The following N4BP2L2 variants were observed in gnomAD, a reference collection of about 807,000 sequenced individuals.
N4BP2L2 encodes the protein NEDD4 binding protein 2 like 2, also known as NEDD4-binding protein 2-like 2.
N4BP2L2 carries 50 observed loss-of-function variants against 56.2 expected under a neutral mutation model. The observed-to-expected ratio is 0.89, with a 90% CI of 0.71 to 1.13. The LOEUF (loss-of-function observed/expected upper bound fraction) is 1.13. N4BP2L2 is among the 50% of genes most tolerant of loss of function. The pLI, the probability that N4BP2L2 is intolerant of heterozygous loss-of-function variation, is 0.00. For synonymous variants in N4BP2L2, 203 were observed against 223.6 expected (o/e 0.91, Z 0.82); for missense variants, 689 against 693.8 (o/e 0.99, Z 0.08).
intron 8 of N4BP2L2, among the ~76,000 whole-genome samples, chr13:32,436,785 CAAAAAAAAAAAAA>C (rs1174354861): frequency 4.4e-5 from 2 of 44,970 alleles, no homozygotes; most frequent in East Asian, 8.9e-4. Context: ...GTGTGACTGT[CAAAAAAAAAAAAA>C]AAAAAAAAAA....
chr13:32,484,126 C>T (rs1489027767), intron 6 of N4BP2L2, among the ~76,000 whole-genome samples: 1 of 151,658 alleles, frequency 6.6e-6, no homozygotes, highest in African/African-American at 2.4e-5. Context: ...AGTTTGAGAC[C>T]AGCCTGGGCA....
chr13:32,537,666 G>A (rs543699706), intron 1 of N4BP2L2, among the ~76,000 whole-genome samples: 9 of 152,112 alleles, frequency 5.9e-5, no homozygotes, highest in Non-Finnish European at 7.4e-5. Flanking sequence ...GGGGGGAAGA[G>A]ATAACTTAAG....
At chr13:32,477,842 G>T (rs1358099837) in intron 6 of N4BP2L2, 1 of 1,282,022 alleles carries the variant, frequency 7.8e-7, no homozygotes, top group East Asian at 5.6e-5. Context: ...ATAGTTGTTT[G>T]CACTGGATTT....
chr13:32,447,798 T>C (rs1184445818), intron 6 of N4BP2L2, among the ~76,000 whole-genome samples: 2 of 151,692 alleles, frequency 1.3e-5, no homozygotes, highest in Admixed American at 6.5e-5. Context: ...AATGTCTTTT[T>C]TTCGTTGTTT....
intron 2 of N4BP2L2, among the ~76,000 whole-genome samples, chr13:32,532,590 CTTT>C (rs759146834): frequency 7.8e-6 from 1 of 128,386 alleles, no homozygotes; most frequent in Non-Finnish European, 1.7e-5. Context: ...TTTCTTTTTT[CTTT>C]TTTTTTTTTT....
chr13:32,518,096 T>A (rs569207705), intron 5 of N4BP2L2, 93 bp from the exon 6 acceptor site: 12 of 1,127,302 alleles, frequency 1.1e-5, no homozygotes, highest in Non-Finnish European at 1.3e-5. Context: ...AAATTCTAAA[T>A]AATATTTTGT....
chr13:32,440,039 A>C (rs1040313897), intron 7 of N4BP2L2, among the ~76,000 whole-genome samples: 8 of 151,788 alleles, frequency 5.3e-5, no homozygotes, highest in African/African-American at 1.9e-4. Context: ...AAAAAAAAAA[A>C]AGAAAAGGAA....
chr13:32,538,480 C>G (rs1056120975), intron 1 of N4BP2L2, 138 bp downstream of exon 1: 1 of 383,968 alleles, frequency 2.6e-6, no homozygotes, highest in Non-Finnish European at 3.6e-6. Flanking sequence ...TCCAGGAATT[C>G]TGGAGGTCTC....
chr13:32,476,788 T>A (rs7994868), intron 6 of N4BP2L2, among the ~76,000 whole-genome samples: 8,736 of 152,214 alleles, frequency 0.057, 850 homozygotes, highest in African/African-American at 0.2. Context: ...ATAAAGATAC[T>A]TCTAAACTGA....
intron 6 of N4BP2L2, among the ~76,000 whole-genome samples, chr13:32,471,785 C>T (rs1243517134): frequency 6.6e-6 from 1 of 152,230 alleles, no homozygotes; most frequent in African/African-American, 2.4e-5. Flanking sequence ...GAAAGAGCTG[C>T]TGAATAAAGC....
At chr13:32,537,864 T>A (rs1313376683) in intron 1 of N4BP2L2, among the ~76,000 whole-genome samples, 1 of 151,850 alleles carries the variant, frequency 6.6e-6, no homozygotes, top group Admixed American at 6.6e-5. Context: ...TGCTTAGGAG[T>A]TCGAGACCAG....
chr13:32,480,373 A>G (rs1303288997), intron 6 of N4BP2L2, among the ~76,000 whole-genome samples: 2 of 152,242 alleles, frequency 1.3e-5, no homozygotes, highest in Admixed American at 1.3e-4. Context: ...GTAAAGAGTG[A>G]AATCCAGGCA....
intron 5 of N4BP2L2, among the ~76,000 whole-genome samples, chr13:32,520,461 A>G (rs1466676267): frequency 6.6e-6 from 1 of 151,990 alleles, no homozygotes; most frequent in African/African-American, 2.4e-5. Context: ...AATCAAGACC[A>G]TCCTGGCTAA....
intron 3 of N4BP2L2, chr13:32,527,002 C>T (rs146502967): frequency 0.012 from 1,758 of 152,760 alleles, 28 homozygotes; most frequent in South Asian, 0.012. Context: ...ATATTCACAA[C>T]CAGTATATTA....
At chr13:32,535,940 T>C (rs1336714062) in exon 2 of N4BP2L2, 9 of 1,613,964 alleles carry the variant, frequency 5.6e-6, no homozygotes, top group African/African-American at 1.3e-5. Context: ...ACAGAAACCA[T>C]TACTCACATA....
chr13:32,440,529 C>T (rs534294590), intron 7 of N4BP2L2, among the ~76,000 whole-genome samples: 14 of 151,260 alleles, frequency 9.3e-5, no homozygotes, highest in African/African-American at 2.9e-4. Flanking sequence ...TGCAGTGGCG[C>T]GATCTCAGTT....
rs116189323 is a variant in N4BP2L2 at position 32,518,659 on chromosome 13, A to G, written c.1551-656T>C. On this transcript the variant is annotated intron_variant, in intron 5 of 5. Coordinates refer to ENST00000267068, the Ensembl canonical transcript of N4BP2L2. ...CAAAGATATTATGGCAAAACTTTAAAAAAAGAGATTATGATTACCCAGGCA... is the reference window on the plus strand; with the variant it reads ...CAAAGATATTATGGCAAAACTTTAAGAAAAGAGATTATGATTACCCAGGCA... Among the ~76,000 whole-genome samples, 449 of 152,268 alleles carry G rather than the reference A, an allele frequency of 2.9e-3. 2 individuals are homozygous for G. Among genetic ancestry groups the G allele is most frequent in the African/African-American group, 0.01 (418 of 41,552 alleles).
chr13:32,436,922 C>T (rs2075594165), intron 8 of N4BP2L2, among the ~76,000 whole-genome samples: 1 of 147,634 alleles, frequency 6.8e-6, no homozygotes, highest in Non-Finnish European at 1.5e-5. Flanking sequence ...GCTCTGTCGC[C>T]CAGGATGGAG....
intron 3 of N4BP2L2, chr13:32,525,368 T>C (rs186617747): frequency 2.0e-5 from 3 of 152,368 alleles, no homozygotes; most frequent in Admixed American, 6.5e-5. Context: ...AACAGTCTTA[T>C]GATCAAACTT....
Sources: allele counts gnomAD v4.1 joint callset (sites outside exome capture counted in the v4.1 genomes callset), GRCh38; gene constraint gnomAD v4.1.1; transcripts MANE v1.5; gene names NCBI Gene and HGNC (gene_info 2026-07-23, HGNC 2026-07-21).